The following GAS7 variants were observed in gnomAD, a reference collection of about 807,000 sequenced individuals.
GAS7 encodes the protein growth arrest-specific protein 7.
GAS7 carries 28 observed loss-of-function variants against 71.1 expected under a neutral mutation model. The observed-to-expected ratio is 0.39, with a 90% CI of 0.29 to 0.54. GAS7 has a LOEUF of 0.54. GAS7 is among the 20% of genes least tolerant of loss of function. GAS7 has a pLI of 0.62. For missense variants in GAS7, 436 were observed against 627.8 expected (o/e 0.69, Z 3.27); for synonymous variants, 258 against 245.8 (o/e 1.05, Z -0.46).
At chr17:10,091,981 T>C (rs1406622293) in intron 1 of GAS7, among the ~76,000 whole-genome samples, 7 of 140,140 alleles carry the variant, frequency 5.0e-5, no homozygotes, top group South Asian at 2.2e-4. Flanking sequence ...AAAAAAAAAA[T>C]GTGCCCTGAC....
At chr17:10,027,684 A>C (rs568791254) in intron 1 of GAS7, among the ~76,000 whole-genome samples, 1 of 152,328 alleles carries the variant, frequency 6.6e-6, no homozygotes, top group South Asian at 2.1e-4. Context: ...ACCAGACAAC[A>C]GAACCTGCCG....
At chr17:10,142,071 A>G (rs1176892117) in intron 1 of GAS7, among the ~76,000 whole-genome samples, 1 of 152,080 alleles carries the variant, frequency 6.6e-6, no homozygotes, top group African/African-American at 2.4e-5. Flanking sequence ...TACTAAAAAC[A>G]CAAAAAATTA....
intron 1 of GAS7, among the ~76,000 whole-genome samples, chr17:10,176,095 G>A (rs1032137718): frequency 6.6e-6 from 1 of 152,200 alleles, no homozygotes; most frequent in Admixed American, 6.5e-5. Flanking sequence ...AACACACCTC[G>A]AGCCTTAGAG....
intron 1 of GAS7, among the ~76,000 whole-genome samples, chr17:10,180,084 T>C (rs888738082): frequency 6.6e-6 from 1 of 152,126 alleles, no homozygotes; most frequent in Non-Finnish European, 1.5e-5. Flanking sequence ...CTCATGGCTG[T>C]TATCCCAGCA....
At chr17:10,104,567 G>A (rs556395318) in intron 1 of GAS7, among the ~76,000 whole-genome samples, 123 of 152,302 alleles carry the variant, frequency 8.1e-4, no homozygotes, top group African/African-American at 2.6e-3. Flanking sequence ...TCATCCCTAT[G>A]CTGATGCTCA....
Position 9,946,879 on chromosome 17 carries a change from T to A in GAS7, c.615+15A>T, listed in dbSNP as rs1229743691. The A allele has an allele frequency of 6.3e-7, 1 of 1,579,726 alleles. No individual in the cohort carries two copies. Among genetic ancestry groups the A allele is most frequent in the South Asian group, 1.1e-5 (1 of 90,272 alleles). On this transcript the variant is annotated intron_variant, in intron 6 of 13. Coordinates refer to ENST00000432992, the MANE Select transcript of GAS7 (RefSeq NM_201433.2). ...ACCGGGGTCACGCTGTGGGGGAAAC[T>A]GAGGCGCTGCTTACCCAGAAGTAGT...
At chr17:9,925,325 G>A (rs1045158379) in intron 11 of GAS7, 151 bp downstream of exon 11, 12 of 758,152 alleles carry the variant, frequency 1.6e-5, no homozygotes, top group Non-Finnish European at 2.5e-5. Context: ...GAGAAGGGAA[G>A]AGGGGGTACC....
chr17:10,122,868 T>TCAC (rs2073915728), intron 1 of GAS7, among the ~76,000 whole-genome samples: 1 of 152,228 alleles, frequency 6.6e-6, no homozygotes, highest in Non-Finnish European at 1.5e-5. Flanking sequence ...TCTCACTTTG[T>TCAC]CACCCAGGTT....
chr17:10,038,695 A>ATTTT (rs71365709), intron 1 of GAS7, among the ~76,000 whole-genome samples: 1 of 121,208 alleles, frequency 8.3e-6, no homozygotes, highest in Non-Finnish European at 1.7e-5. Flanking sequence ...GAAGGAAGGA[A>ATTTT]TTTTTTTTTT....
Position 9,914,276 on chromosome 17 carries a change from G to A in GAS7, c.*2952C>T, listed in dbSNP as rs1022917725. The A allele has an allele frequency of 1.0e-5, 2 of 194,346 alleles. No homozygotes were observed. The highest frequency in any genetic ancestry group is 2.3e-5 in the African/African-American group (1 of 43,100). The allele number at this position is 194,346 out of a possible 1,614,324, so 12.0% of individuals were successfully genotyped here. On this transcript the variant is annotated 3_prime_UTR_variant, in exon 14 of 14. Transcript: ENST00000432992. Reference sequence around the variant, plus strand: ...GAGTCTTGCTCTGTCACCCAAGCTGGAGTGCAGTGGCCCGATCTTGGTTCA... The same window carrying A: ...GAGTCTTGCTCTGTCACCCAAGCTGAAGTGCAGTGGCCCGATCTTGGTTCA...
At chr17:10,046,794 AAG>A (rs2072970120) in intron 1 of GAS7, among the ~76,000 whole-genome samples, 3 of 70,464 alleles carry the variant, frequency 4.3e-5, no homozygotes, top group South Asian at 4.5e-4. Context: ...GAAAGGAAGG[AAG>A]GAAGGAAGGA....
intron 4 of GAS7, among the ~76,000 whole-genome samples, chr17:9,966,749 C>T (rs1057185243): frequency 1.3e-5 from 2 of 152,164 alleles, no homozygotes; most frequent in African/African-American, 4.8e-5. Flanking sequence ...GTCCCAGCTA[C>T]TCCAGAGGCT....
In GAS7 at chr17:10,026,340, A is replaced by C. The variant is rs2072462795; in HGVS notation, c.184-6443T>G. On this transcript the variant is annotated intron_variant, in intron 1 of 13. Transcript: ENST00000432992. The surrounding 1 kb of genome is among the most constrained non-coding windows in gnomAD (Gnocchi z 4.5). The stretch of plus-strand genomic sequence containing the variant: ...GGCCCCACACCCCCACTCCCCCCAC[A>C]CCCAGATCTATATATAACAGCTCTG... 2 of 956,626 alleles carry C rather than the reference A, an allele frequency of 2.1e-6. No individual in the cohort carries two copies. The highest frequency in any genetic ancestry group is 2.5e-6 in the Non-Finnish European group (2 of 804,154). 59.3% of individuals were successfully genotyped at this position (956,626 alleles called of 1,614,324 possible). A position where few individuals can be genotyped will look rare whatever the true frequency, so the allele number is the denominator to read the frequency against.
intron 2 of GAS7, among the ~76,000 whole-genome samples, chr17:10,012,104 A>C (rs1011063125): frequency 6.6e-6 from 1 of 152,214 alleles, no homozygotes; most frequent in African/African-American, 2.4e-5. Flanking sequence ...ATCTTGACTA[A>C]TACATTAAAC....
At chr17:9,928,711 A>C (rs1384642707) in intron 9 of GAS7, among the ~76,000 whole-genome samples, 4 of 152,214 alleles carry the variant, frequency 2.6e-5, no homozygotes, top group African/African-American at 9.6e-5. Flanking sequence ...ACCAGGACTT[A>C]GGTGTCCCTA....
intron 1 of GAS7, among the ~76,000 whole-genome samples, chr17:10,083,910 A>T (rs2073485742): frequency 6.6e-6 from 1 of 152,262 alleles, no homozygotes; most frequent in African/African-American, 2.4e-5. Context: ...AGGAAAGCAC[A>T]CCAAACAGGA....
intron 1 of GAS7, among the ~76,000 whole-genome samples, chr17:10,167,843 C>G (rs951512295): frequency 6.6e-6 from 1 of 152,084 alleles, no homozygotes; most frequent in African/African-American, 2.4e-5. Flanking sequence ...GGACTACAGG[C>G]ATGCACCACC....
chr17:9,944,224 G>A (rs2068709773), intron 6 of GAS7, among the ~76,000 whole-genome samples: 1 of 152,196 alleles, frequency 6.6e-6, no homozygotes, highest in African/African-American at 2.4e-5. Flanking sequence ...TGGAGCACCA[G>A]CTCCCAGGGC....
chr17:10,080,776 G>A (rs1467440302), intron 1 of GAS7, among the ~76,000 whole-genome samples: 1 of 152,208 alleles, frequency 6.6e-6, no homozygotes, highest in Non-Finnish European at 1.5e-5. Context: ...ATAGTCAAGG[G>A]CCAAGAACAT....
Sources: gnomAD v4.1 joint callset for allele counts (sites outside exome capture counted in the v4.1 genomes callset) on GRCh38, gnomAD v4.1.1 for gene constraint, Gnocchi (gnomAD v3.1) non-coding constraint, MANE v1.5 for transcripts, NCBI Gene and HGNC (gene_info 2026-07-23, HGNC 2026-07-21) for gene names.